Variants in SLC9A9 observed in about 807,000 individuals in gnomAD.
The protein encoded by SLC9A9 is sodium/hydrogen exchanger 9.
Under a neutral mutation model 77.8 loss-of-function variants are expected in SLC9A9, and 62 were observed. That is an observed-to-expected ratio of 0.80 (90% CI 0.65 to 0.98). SLC9A9 has a LOEUF of 0.98. Among genes scored for constraint, SLC9A9 ranks in the 50% least tolerant of loss-of-function variants. The pLI is 0.00. For synonymous variants in SLC9A9, 320 were observed against 283.5 expected (o/e 1.13, Z -1.29); for missense variants, 775 against 774.9 (o/e 1.00, Z 0.00).
intron 6 of SLC9A9, among the ~76,000 whole-genome samples, chr3:143,591,483 TC>T (rs2037643117): frequency 6.6e-6 from 1 of 152,236 alleles, no homozygotes; most frequent in Admixed American, 6.5e-5. Context: ...AAGTGTATAT[TC>T]TATAGAGGAG....
At chr3:143,822,687 T>C (rs2009197720) in intron 2 of SLC9A9, among the ~76,000 whole-genome samples, 1 of 152,240 alleles carries the variant, frequency 6.6e-6, no homozygotes, top group African/African-American at 2.4e-5. Flanking sequence ...CCAGCAATGA[T>C]AAATGTGCAC....
At position 143,434,899 on chromosome 3, in the gene SLC9A9, T is replaced by C. The variant is rs2034592307; in HGVS notation, c.1469+32138A>G. ...TTACTTCATCCTAATCAAGCTCATG[T>C]GGTCCACCCCACGAGCCCCTTCTGA... On this transcript the variant is annotated intron_variant, in intron 12 of 15. Transcript: ENST00000316549. Among the ~76,000 whole-genome samples the C allele has an allele frequency of 1.3e-5, 2 of 152,166 alleles. 1 individual carries two copies. Among genetic ancestry groups the C allele is most frequent in the South Asian group, 4.1e-4 (2 of 4,832 alleles).
chr3:143,671,095 T>C (rs1483764545), intron 5 of SLC9A9, among the ~76,000 whole-genome samples: 2 of 152,188 alleles, frequency 1.3e-5, no homozygotes, highest in African/African-American at 2.4e-5. Flanking sequence ...ATGGAGATAA[T>C]TGATCGGCTG....
intron 6 of SLC9A9, 43 bp downstream of exon 6, chr3:143,652,212 T>A: frequency 9.6e-6 from 14 of 1,459,406 alleles, no homozygotes; most frequent in Non-Finnish European, 1.3e-5. Flanking sequence ...TGAAAGCATA[T>A]TTCACATGAT....
At chr3:143,697,884 A>C (rs1254696771) in intron 4 of SLC9A9, among the ~76,000 whole-genome samples, 1 of 152,224 alleles carries the variant, frequency 6.6e-6, no homozygotes, top group African/African-American at 2.4e-5. Context: ...ATTATTACAA[A>C]CATAGCAAAG....
At chr3:143,457,461 T>C (rs1460513587) in intron 12 of SLC9A9, among the ~76,000 whole-genome samples, 1 of 152,206 alleles carries the variant, frequency 6.6e-6, no homozygotes, top group East Asian at 1.9e-4. Flanking sequence ...ACCAAGTCTA[T>C]TGATTTCTGC....
At chr3:143,441,907 T>A (rs1488852524) in intron 12 of SLC9A9, among the ~76,000 whole-genome samples, 4 of 151,910 alleles carry the variant, frequency 2.6e-5, no homozygotes, top group Non-Finnish European at 5.9e-5. Context: ...TACTCATCCA[T>A]CCATCCAGCC....
chr3:143,291,589 G>T (rs145657716), intron 14 of SLC9A9, among the ~76,000 whole-genome samples: 208 of 152,302 alleles, frequency 1.4e-3, no homozygotes, highest in African/African-American at 4.9e-3. Flanking sequence ...AGGCTATTGG[G>T]CTGGAGACAT....
At chr3:143,274,446 T>C (rs1249994408) in intron 14 of SLC9A9, among the ~76,000 whole-genome samples, 4 of 152,194 alleles carry the variant, frequency 2.6e-5, no homozygotes, top group Admixed American at 2.6e-4. Flanking sequence ...CTACATACTG[T>C]GGGGTGCTGG....
chr3:143,267,061 G>T, intron 15 of SLC9A9, 132 bp from the exon 16 acceptor site: 1 of 814,746 alleles, frequency 1.2e-6, no homozygotes. Flanking sequence ...GGCCTTGGCT[G>T]ATGTTTCTGC....
chr3:143,494,217 A>G (rs909915780), intron 10 of SLC9A9, among the ~76,000 whole-genome samples: 1 of 152,222 alleles, frequency 6.6e-6, no homozygotes, highest in Admixed American at 6.5e-5. Context: ...CAAGCTTTGC[A>G]TACCTTTTTC....
At chr3:143,606,428 C>CTATATATATATATATATA (rs1473173290) in intron 6 of SLC9A9, among the ~76,000 whole-genome samples, 4 of 69,886 alleles carry the variant, frequency 5.7e-5, no homozygotes, top group Admixed American at 1.6e-4. Context: ...CTCTCTCTCT[C>CTATATATATATATATATA]TCTCTCTCTA....
chr3:143,821,426 T>C (rs1412629985), intron 2 of SLC9A9, among the ~76,000 whole-genome samples: 2 of 152,146 alleles, frequency 1.3e-5, no homozygotes, highest in African/African-American at 4.8e-5. Context: ...TTCAATTAGA[T>C]CTAATCATAG....
intron 9 of SLC9A9, among the ~76,000 whole-genome samples, chr3:143,514,764 C>T (rs943320527): frequency 1.3e-5 from 2 of 152,208 alleles, no homozygotes; most frequent in African/African-American, 4.8e-5. Flanking sequence ...CTGCATTAGG[C>T]TTTTGGCTTA....
At chr3:143,563,836 A>G (rs1235088804) in intron 8 of SLC9A9, among the ~76,000 whole-genome samples, 1 of 152,102 alleles carries the variant, frequency 6.6e-6, no homozygotes, top group Non-Finnish European at 1.5e-5. Context: ...TAAATGGTTC[A>G]GTTTTTACTT....
intron 14 of SLC9A9, among the ~76,000 whole-genome samples, chr3:143,288,600 C>T (rs967066638): frequency 2.0e-5 from 3 of 152,088 alleles, no homozygotes; most frequent in South Asian, 2.1e-4. Flanking sequence ...GTTGTAGGTA[C>T]GATGATTTCA....
chr3:143,696,441 C>A (rs900674680), intron 4 of SLC9A9, among the ~76,000 whole-genome samples: 19 of 152,164 alleles, frequency 1.2e-4, no homozygotes, highest in Non-Finnish European at 2.5e-4. Flanking sequence ...GCAGGATAGA[C>A]AGCAATAAGA....
At chr3:143,730,973 CAGACT>C (rs1309374513) in intron 4 of SLC9A9, among the ~76,000 whole-genome samples, 1 of 152,178 alleles carries the variant, frequency 6.6e-6, no homozygotes, top group Non-Finnish European at 1.5e-5. Context: ...ATTAGATCAA[CAGACT>C]GATGCCTTTG....
intron 8 of SLC9A9, among the ~76,000 whole-genome samples, chr3:143,565,047 C>T (rs1467175729): frequency 6.6e-6 from 1 of 152,170 alleles, no homozygotes; most frequent in African/African-American, 2.4e-5. Flanking sequence ...AGTCAGCTAA[C>T]ACATTTACAT....
Sources: gnomAD v4.1 joint callset for allele counts (sites outside exome capture counted in the v4.1 genomes callset) on GRCh38, gnomAD v4.1.1 for gene constraint, MANE v1.5 for transcripts, NCBI Gene and HGNC (gene_info 2026-07-23, HGNC 2026-07-21) for gene names.